DLG4: variants seen among roughly 807,000 people sequenced by gnomAD.
DLG4 encodes the protein discs large MAGUK scaffold protein 4.
In DLG4, 7 loss-of-function variants were observed where a neutral mutation model predicts 93.8. The ratio of observed to expected loss-of-function variants is 0.07; its 90% CI spans 0.04 to 0.14. DLG4 has a LOEUF of 0.14. DLG4 is among the 10% of genes least tolerant of loss of function. The pLI, the probability that DLG4 is intolerant of heterozygous loss-of-function variation, is 1.00. For synonymous variants in DLG4, 341 were observed against 387.6 expected (o/e 0.88, Z 1.41); for missense variants, 545 against 992.9 (o/e 0.55, Z 6.06).
chr17:7,218,812 A>G, upstream of DLG4: 2 of 1,613,568 alleles, frequency 1.2e-6, no homozygotes, highest in South Asian at 2.2e-5. Context: ...TCCCCTCCAC[A>G]AGGAGCCCTG....
upstream of DLG4, chr17:7,219,247 CAGG>C (rs564778960): frequency 4.9e-4 from 188 of 387,608 alleles, no homozygotes; most frequent in Middle Eastern, 3.3e-3. Flanking sequence ...GGGTAAGAGG[CAGG>C]AGAATTCCTG....
chr17:7,210,362 T>A (rs2070659621), intron 1 of DLG4, among the ~76,000 whole-genome samples: 1 of 151,594 alleles, frequency 6.6e-6, no homozygotes, highest in Non-Finnish European at 1.5e-5. Flanking sequence ...ATTTAAAGAG[T>A]CTTAAAGAAG....
intron 1 of DLG4, among the ~76,000 whole-genome samples, chr17:7,215,295 G>A (rs1200647324): frequency 6.6e-6 from 1 of 152,226 alleles, no homozygotes. Context: ...CTTCAGGGAT[G>A]CTCAACCCTG....
At chr17:7,192,220 G>A (rs1264035088) in intron 17 of DLG4, 8 of 435,478 alleles carry the variant, frequency 1.8e-5, no homozygotes, top group East Asian at 3.5e-5. Context: ...TGGAGAGCAC[G>A]GGAGAGGGCA....
chr17:7,196,992 G>T lies in DLG4; in HGVS notation c.848C>A (p.Pro283His). The change falls in exon 9 of 20, where the codon CCC becomes CAC. Residue 283 changes from proline (P) to histidine (H), a missense_variant. Physicochemically the swap from Pro to His is moderately conservative, Grantham distance 77. This residue lies in a region of DLG4 where 428 missense variants were observed against 741.4 expected (regional missense o/e 0.58). Coordinates refer to ENST00000399506, the MANE Select transcript of DLG4 (RefSeq NM_001321075.3). This position sits in a 1 kb window ranked among gnomAD's most constrained non-coding sequence, Gnocchi z 8.3. ...AGGGGAAGTGGGGGTCATGGCTGTGGGGTAGTCGGTGCCCAGGTAGCTGCT... is the reference window on the plus strand; with the variant it reads ...AGGGGAAGTGGGGGTCATGGCTGTGTGGTAGTCGGTGCCCAGGTAGCTGCT... Reference protein sequence around the residue: ...SHSSYLGTDYPTAMTPTSPRR... With the variant: ...SHSSYLGTDYHTAMTPTSPRR... 1 of 1,613,748 alleles carries T rather than the reference G, an allele frequency of 6.2e-7. No individual in the cohort carries two copies. The highest frequency in any genetic ancestry group is 8.5e-7 in the Non-Finnish European group (1 of 1,179,808).
At chr17:7,204,739 C>T (rs951928554) in intron 2 of DLG4, among the ~76,000 whole-genome samples, 8 of 149,016 alleles carry the variant, frequency 5.4e-5, no homozygotes, top group Non-Finnish European at 1.0e-4. Context: ...CCCATATCTA[C>T]CCAGATATTT....
Position 7,196,107 on chromosome 17 carries a change from G to A in DLG4, c.1301+113C>T. 1.4e-6 allele frequency: 1 copy of A among 735,650 alleles called. No individual in the cohort carries two copies. Among genetic ancestry groups the A allele is most frequent in the Non-Finnish European group, 2.2e-6 (1 of 449,842 alleles). 45.6% of individuals were successfully genotyped at this position (735,650 alleles called of 1,614,324 possible). On this transcript the variant is annotated intron_variant, in intron 11 of 19. Transcript: ENST00000399506. The surrounding 1 kb of genome is among the most constrained non-coding windows in gnomAD (Gnocchi z 8.3). ...ACCCTGGCTGCGCCTCAGGCCTGGG[G>A]TGGGGAGCTAGAGCAGGCAGGGTGG...
chr17:7,212,104 G>A (rs977439640), intron 1 of DLG4, among the ~76,000 whole-genome samples: 29 of 151,728 alleles, frequency 1.9e-4, no homozygotes, highest in Non-Finnish European at 3.1e-4. Context: ...AACCTCACTG[G>A]ACATCTCGTC....
At chr17:7,216,731 C>T (rs919156444) in intron 1 of DLG4, among the ~76,000 whole-genome samples, 1 of 152,022 alleles carries the variant, frequency 6.6e-6, no homozygotes, top group Admixed American at 6.6e-5. Context: ...TGGAAGCCAG[C>T]TTTTCCCTGG....
At chr17:7,204,936 G>A (rs1008198384) in intron 2 of DLG4, 5 of 985,234 alleles carry the variant, frequency 5.1e-6, no homozygotes, top group Middle Eastern at 5.2e-4. Context: ...CAAGACCCGG[G>A]GAGACCCACC....
chr17:7,193,853 C>T lies in DLG4; in HGVS notation c.1534G>A (p.Gly512Arg). 1 of 1,612,944 alleles carries T rather than the reference C, an allele frequency of 6.2e-7. No individual in the cohort carries two copies. The highest frequency in any genetic ancestry group is 8.5e-7 in the Non-Finnish European group (1 of 1,179,458). Residue 512 changes from glycine to arginine, a missense_variant, in exon 14 of 20, where the codon GGA becomes AGA. Gly to Arg is a moderately radical substitution (Grantham distance 125, BLOSUM62 -2). Around this residue, in one of 5 missense-constraint regions of DLG4, gnomAD observed 428 missense variants for 741.4 expected, o/e 0.58. Transcript: ENST00000399506. The surrounding 1 kb of genome is among the most constrained non-coding windows in gnomAD (Gnocchi z 6.7). Reference sequence around the variant, plus strand: ...AACTAACCCTACCTACCCTGCGATCCAGAGCTGGAGCCCCAGTCCTAAGAA... The same window carrying T: ...AACTAACCCTACCTACCCTGCGATCTAGAGCTGGAGCCCCAGTCCTAAGAA... ...LKAKDWGSSS[G>R]SQGREDSVLS...
chr17:7,193,657 C>A lies in DLG4; in HGVS notation c.1591+10G>T. The A allele has an allele frequency of 6.5e-7, 1 of 1,544,738 alleles. No homozygotes were observed. On this transcript the variant is annotated intron_variant, in intron 15 of 19. Coordinates refer to ENST00000399506, the MANE Select transcript of DLG4 (RefSeq NM_001321075.3). This position sits in a 1 kb window ranked among gnomAD's most constrained non-coding sequence, Gnocchi z 6.7. ...CAAGTGCTGGGGCCAAGGCAGGGGCCAGGGCTCACCTTCCATCTGCGTCAC... is the reference window on the plus strand; with the variant it reads ...CAAGTGCTGGGGCCAAGGCAGGGGCAAGGGCTCACCTTCCATCTGCGTCAC...
Position 7,208,006 on chromosome 17 carries a change from C to T in DLG4, c.96+168G>A. 8.4e-7 allele frequency: 1 copy of T among 1,186,384 alleles called. No homozygotes were observed. 73.5% of individuals were successfully genotyped at this position (1,186,384 alleles called of 1,614,324 possible). ...CACGGCTCTCTCTCACCCTACCGGC[C>T]CTTAGGGATTGCTGCAGCTCCGAGG... On this transcript the variant is annotated intron_variant, in intron 2 of 19. Transcript: ENST00000399506. The surrounding 1 kb of genome is among the most constrained non-coding windows in gnomAD (Gnocchi z 5.4).
chr17:7,207,928 C>A, intron 2 of DLG4: 5 of 590,580 alleles, frequency 8.5e-6, no homozygotes, highest in Non-Finnish European at 1.2e-5. Context: ...CTCCCCCAGA[C>A]CCCAGGAGCC....
chr17:7,197,843 A>C (rs1322241316), intron 8 of DLG4, among the ~76,000 whole-genome samples: 1 of 152,138 alleles, frequency 6.6e-6, no homozygotes, highest in Non-Finnish European at 1.5e-5. Flanking sequence ...TGTTTAGCCT[A>C]TGCCTCTGCC....
At chr17:7,202,167 C>A (rs970611770) in intron 8 of DLG4, among the ~76,000 whole-genome samples, 3 of 152,236 alleles carry the variant, frequency 2.0e-5, no homozygotes, top group Non-Finnish European at 4.4e-5. Flanking sequence ...GCTTCCAACT[C>A]CTCGGCTCAA....
intron 1 of DLG4, chr17:7,211,694 C>T (rs1035811824): frequency 3.2e-5 from 31 of 975,640 alleles, no homozygotes; most frequent in Non-Finnish European, 3.8e-5. Context: ...TGTTCCGAGC[C>T]GACATGGAGA....
rs1012287938 is a variant in DLG4, at chr17:7,196,396, C to A, written c.1187-62G>T. 1 of 1,608,164 alleles carries A rather than the reference C, an allele frequency of 6.2e-7. No homozygotes were observed. Among genetic ancestry groups the A allele is most frequent in the Admixed American group, 1.7e-5 (1 of 59,952 alleles). The stretch of plus-strand genomic sequence containing the variant: ...CATCCTACTGTCACCCCTGTCCTCC[C>A]CTACTGAAGCCATCAGCTGAGGAAG... On this transcript the variant is annotated intron_variant, in intron 10 of 19. Transcript: ENST00000399506. The surrounding 1 kb of genome is among the most constrained non-coding windows in gnomAD (Gnocchi z 8.3).
At chr17:7,201,865 G>A (rs924722506) in intron 8 of DLG4, among the ~76,000 whole-genome samples, 5 of 152,140 alleles carry the variant, frequency 3.3e-5, no homozygotes, top group East Asian at 1.9e-4. Context: ...TGGGCAAGAA[G>A]AGCGAAACTC....
Sources: gnomAD v4.1 joint callset for allele counts (sites outside exome capture counted in the v4.1 genomes callset) on GRCh38, gnomAD v4.1.1 for gene constraint, gnomAD v4.1.1 regional missense constraint, Gnocchi (gnomAD v3.1) non-coding constraint, MANE v1.5 for transcripts, NCBI Gene and HGNC (gene_info 2026-07-23, HGNC 2026-07-21) for gene names.